Variants in RBL2 observed in about 807,000 individuals in gnomAD.
RBL2 encodes RB transcriptional corepressor like 2.
A neutral mutation model predicts 126.0 loss-of-function variants in RBL2; 56 were observed. The observed-to-expected ratio is 0.44, with a 90% confidence interval of 0.36 to 0.56. RBL2 has a LOEUF of 0.56. Ranked by LOEUF, RBL2 falls within the 20% of genes least tolerant of loss-of-function variation. The pLI is 0.00. For missense variants in RBL2, 1,229 were observed against 1,398.2 expected (o/e 0.88, Z 1.93); for synonymous variants, 454 against 478.5 (o/e 0.95, Z 0.67).
Position 53,436,228 on chromosome 16 carries a change from A to T in RBL2, c.240+1432A>T, listed in dbSNP as rs7194980. On this transcript the variant is annotated intron_variant, in intron 1 of 21. Coordinates refer to ENST00000262133, the MANE Select transcript of RBL2 (RefSeq NM_005611.4). Reference sequence around the variant, plus strand: ...AGGCTTCCAAACAAGCTCTTATTTTACCCTCAAGATAATCCTGTAAATCAG... The same window carrying T: ...AGGCTTCCAAACAAGCTCTTATTTTTCCCTCAAGATAATCCTGTAAATCAG... 7.6e-3 allele frequency among the ~76,000 whole-genome samples: 1,153 copies of T among 151,982 alleles called. 21 individuals are homozygous for T. The highest frequency in any genetic ancestry group is 0.027 in the African/African-American group (1,107 of 41,456).
At chr16:53,454,221 T>C in intron 7 of RBL2, 1 of 453,844 alleles carries the variant, frequency 2.2e-6, no homozygotes, top group South Asian at 1.6e-5. Flanking sequence ...GTTTTGTTTT[T>C]TGAGATGGAG....
chr16:53,470,555 C>G lies in RBL2; in HGVS notation c.2418C>G (p.Ala806=). ...GTTLQVPGQV[A]IQQISPGGQQ... ...CTTTGCAAGTCCCTGGTCAAGTGGC[C>G]ATTCAACAGATTTCCCCAGGTGGCC... is the stretch of plus-strand genomic sequence containing the variant. Residue 806 remains alanine (A), a synonymous_variant, in exon 16 of 22, where the codon GCC becomes GCG. Transcript: ENST00000262133. 1 of 1,614,138 alleles carries G rather than the reference C, an allele frequency of 6.2e-7. No homozygotes were observed. The highest frequency in any genetic ancestry group is 8.5e-7 in the Non-Finnish European group (1 of 1,180,024).
At chr16:53,471,070 A>G (rs2058318943) in intron 17 of RBL2, 148 bp downstream of exon 17, 2 of 759,306 alleles carry the variant, frequency 2.6e-6, no homozygotes, top group Middle Eastern at 3.9e-4. Flanking sequence ...ATTCACAGAT[A>G]TGTGCAATAC....
chr16:53,452,974 C>G (rs926865598), intron 5 of RBL2, among the ~76,000 whole-genome samples: 1 of 152,012 alleles, frequency 6.6e-6, no homozygotes, highest in Non-Finnish European at 1.5e-5. Context: ...ACCTTTACCT[C>G]TTTTATTTTT....
At chr16:53,485,064 A>G (rs1338974570) in intron 21 of RBL2, among the ~76,000 whole-genome samples, 2 of 152,218 alleles carry the variant, frequency 1.3e-5, no homozygotes, top group Admixed American at 6.5e-5. Context: ...AATAGAGAAA[A>G]TCACTAAGGA....
At position 53,470,153 on chromosome 16, in the gene RBL2, A is replaced by G. The variant is rs2058308374; in HGVS notation, c.2213A>G (p.Asn738Ser). Residue 738 changes from asparagine (N) to serine (S), a missense_variant, in exon 15 of 22, where the codon AAC becomes AGC. By Grantham distance (46) the Asn-to-Ser change is conservative. Coordinates refer to ENST00000262133, the MANE Select transcript of RBL2 (RefSeq NM_005611.4). ...VTMATATVTA[N>S]NGQTVTIPVQ... ...ATGGCAACCGCCACTGTCACAGCCA[A>G]CAATGGGCAAACGGTAACCATTCCT... 6.2e-7 allele frequency: 1 copy of G among 1,612,442 alleles called. No individual in the cohort carries two copies. Among genetic ancestry groups the G allele is most frequent in the Non-Finnish European group, 8.5e-7 (1 of 1,178,622 alleles).
At chr16:53,453,307 G>A (rs990449212) in intron 5 of RBL2, 145 bp from the exon 6 acceptor site, 6 of 599,776 alleles carry the variant, frequency 1.0e-5, no homozygotes, top group African/African-American at 5.7e-5. Context: ...AATTCTTAGC[G>A]TTGAAATAGG....
At chr16:53,477,814 G>T (rs180929522) in intron 17 of RBL2, among the ~76,000 whole-genome samples, 1 of 151,956 alleles carries the variant, frequency 6.6e-6, no homozygotes, top group Admixed American at 6.6e-5. Flanking sequence ...TTATACAATT[G>T]ATTTTTTAAT....
At position 53,461,771 on chromosome 16, in the gene RBL2, T is replaced by C. The variant is rs1283027999; in HGVS notation, c.1377T>C (p.Ile459=). Residue 459 remains isoleucine, a synonymous_variant, in exon 10 of 22, where the codon ATT becomes ATC. Coordinates refer to ENST00000262133, the MANE Select transcript of RBL2 (RefSeq NM_005611.4). ...RTCSRDPTQA[I]ANRLKEMFEI... is the part of the protein sequence containing the mutation. Reference sequence around the variant, plus strand: ...GTTCCAGAGATCCAACCCAGGCTATTGCTAACAGACTGAAAGAAATGTTTG... The same window carrying C: ...GTTCCAGAGATCCAACCCAGGCTATCGCTAACAGACTGAAAGAAATGTTTG... The C allele has an allele frequency of 6.2e-7, 1 of 1,608,434 alleles. No homozygotes were observed. Among genetic ancestry groups the C allele is most frequent in the East Asian group, 2.2e-5 (1 of 44,544 alleles).
intron 2 of RBL2, among the ~76,000 whole-genome samples, chr16:53,441,447 A>G (rs142475666): frequency 3.3e-5 from 5 of 152,236 alleles, no homozygotes; most frequent in Admixed American, 2.0e-4. Context: ...TTTTGTTATC[A>G]TGGAATATTA....
rs765628450 is a variant in RBL2 at position 53,464,397 on chromosome 16, T to C, written c.1698+34T>C. The C allele has an allele frequency of 2.7e-6, 4 of 1,508,218 alleles. No individual in the cohort carries two copies. In the South Asian group the frequency reaches 3.6e-5, roughly 14 times the overall value. The allele number at this position is 1,508,218 out of a possible 1,614,324, so 93.4% of individuals were successfully genotyped here. A position where few individuals can be genotyped will look rare whatever the true frequency, so the allele number is the denominator to read the frequency against. ...AAAAATATGATACTAATGGGGATAT[T>C]GTAGATGAGACCAACTTCCTGTTGT... On this transcript the variant is annotated intron_variant, in intron 12 of 21. Coordinates refer to ENST00000262133, the MANE Select transcript of RBL2 (RefSeq NM_005611.4).
chr16:53,464,261 C>G lies in RBL2; in HGVS notation c.1596C>G (p.Leu532=), dbSNP rs1325688729. 1 of 1,604,416 alleles carries G rather than the reference C, an allele frequency of 6.2e-7. No homozygotes were observed. Among genetic ancestry groups the G allele is most frequent in the Non-Finnish European group, 8.5e-7 (1 of 1,172,388 alleles). The change falls in exon 12 of 22, where the codon CTC becomes CTG. Residue 532 remains leucine, a synonymous_variant. Coordinates refer to ENST00000262133, the MANE Select transcript of RBL2 (RefSeq NM_005611.4). ...AACAAGATGCGTTCCACAGATCTCTCTTGGCCTGCTGCCTTGAGGTCGTCA... is the reference window on the plus strand; with the variant it reads ...AACAAGATGCGTTCCACAGATCTCTGTTGGCCTGCTGCCTTGAGGTCGTCA... ...ILEQDAFHRS[L]LACCLEVVTF...
At chr16:53,447,465 T>C (rs2058072953) in intron 4 of RBL2, among the ~76,000 whole-genome samples, 1 of 152,220 alleles carries the variant, frequency 6.6e-6, no homozygotes, top group South Asian at 2.1e-4. Flanking sequence ...GCGCAATTAC[T>C]GATCAACCTC....
intron 9 of RBL2, 150 bp downstream of exon 9, chr16:53,459,767 C>A: frequency 1.5e-6 from 1 of 659,984 alleles, no homozygotes. Flanking sequence ...GAGGACCTAG[C>A]AATAAGATGT....
chr16:53,470,964 A>T, intron 17 of RBL2, 42 bp downstream of exon 17: 1 of 1,544,312 alleles, frequency 6.5e-7, no homozygotes. Context: ...ATAGGTCTTC[A>T]TTACTGAGAA....
intron 12 of RBL2, 183 bp downstream of exon 12, chr16:53,464,546 G>A (rs1291601530): frequency 4.2e-6 from 2 of 481,208 alleles, no homozygotes; most frequent in Non-Finnish European, 6.8e-6. Flanking sequence ...TTTTAATATT[G>A]TATGAAAGAT....
intron 8 of RBL2, among the ~76,000 whole-genome samples, chr16:53,455,866 AAAGTGGTAAG>A (rs746673697): frequency 1.3e-5 from 2 of 152,148 alleles, no homozygotes; most frequent in African/African-American, 2.4e-5. Context: ...AGTGAGGGAA[AAAGTGGTAAG>A]AAGTGACGGG....
At chr16:53,456,769 G>A (rs928794704) in intron 8 of RBL2, among the ~76,000 whole-genome samples, 2 of 152,174 alleles carry the variant, frequency 1.3e-5, no homozygotes, top group African/African-American at 4.8e-5. Flanking sequence ...AGAGACTCAT[G>A]TGGCTTCCTT....
intron 21 of RBL2, 133 bp downstream of exon 21, chr16:53,481,968 T>A: frequency 9.0e-7 from 1 of 1,108,248 alleles, no homozygotes. Context: ...TCAGTCCTCA[T>A]GAAGCAAAAC....
Sources: gnomAD v4.1 joint callset for allele counts (sites outside exome capture counted in the v4.1 genomes callset) on GRCh38, gnomAD v4.1.1 for gene constraint, MANE v1.5 for transcripts, NCBI Gene and HGNC (gene_info 2026-07-23, HGNC 2026-07-21) for gene names.